Variants in MTA1 observed in about 807,000 individuals in gnomAD.
The protein encoded by MTA1 is metastasis associated 1.
A neutral mutation model predicts 97.0 loss-of-function variants in MTA1; 15 were observed. The ratio of observed to expected loss-of-function variants is 0.15; its 90% CI spans 0.10 to 0.24. The LOEUF (loss-of-function observed/expected upper bound fraction) is 0.24, where lower values mean the gene tolerates loss of function less well. Among genes scored for constraint, MTA1 ranks in the 10% least tolerant of loss-of-function variants. The pLI is 1.00. For missense variants in MTA1, 709 were observed against 1,015.1 expected, an observed-to-expected ratio of 0.70 and a Z score of 4.10; for synonymous variants, 435 against 417.5, an observed-to-expected ratio of 1.04 and a Z score of -0.51.
At chr14:105,445,758 C>A in intron 3 of MTA1, 1 of 628,120 alleles carries the variant, frequency 1.6e-6, no homozygotes, top group Non-Finnish European at 3.0e-6. Context: ...CACTGGCATC[C>A]TCTGCAAGCT....
intron 7 of MTA1, among the ~76,000 whole-genome samples, chr14:105,456,044 C>T (rs587740971): frequency 6.7e-6 from 1 of 150,302 alleles, no homozygotes; most frequent in African/African-American, 2.5e-5. Flanking sequence ...TGCTGGGGCC[C>T]GGCCTGTGGG....
rs2082679543 is a variant in MTA1 at position 105,445,309 on chromosome 14, T to G, written c.97-109T>G. On this transcript the variant is annotated intron_variant, in intron 2 of 20. Transcript: ENST00000331320. ...CCTGGAGTCCCGAGGGGTGGTGTGG[T>G]TACACCTGCAGTCCCTGGACGGCAG... The G allele has an allele frequency of 8.5e-6, 8 of 939,274 alleles. No individual in the cohort carries two copies. The Admixed American group carries it at 1.5e-4, about 17-fold the overall frequency. The allele number at this position is 939,274 out of a possible 1,614,324, so 58.2% of individuals were successfully genotyped here.
rs997294844 is a variant in MTA1 at position 105,422,355 on chromosome 14, C to T, written c.28+2292C>T. On this transcript the variant is annotated intron_variant, in intron 1 of 20. Coordinates refer to ENST00000331320, the MANE Select transcript of MTA1 (RefSeq NM_004689.4). The surrounding 1 kb of genome is among the most constrained non-coding windows in gnomAD (Gnocchi z 4.3). ...GAGGTGGGCGTCTGGATTCTTGAGCCCCCAGACAAGAAAGAGGAAGGTGTG... is the reference window on the plus strand; with the variant it reads ...GAGGTGGGCGTCTGGATTCTTGAGCTCCCAGACAAGAAAGAGGAAGGTGTG... Among the ~76,000 whole-genome samples, 1 of 152,084 alleles carries T rather than the reference C, an allele frequency of 6.6e-6. No homozygotes were observed. The highest frequency in any genetic ancestry group is 1.5e-5 in the Non-Finnish European group (1 of 68,016).
intron 1 of MTA1, among the ~76,000 whole-genome samples, chr14:105,426,508 G>A (rs376990599): frequency 4.6e-5 from 7 of 152,208 alleles, no homozygotes; most frequent in Non-Finnish European, 8.8e-5. Context: ...CAGCGCACGT[G>A]GGGGCTGGCC....
chr14:105,450,203 C>T lies in MTA1; in HGVS notation c.368+19C>T, dbSNP rs202002027. ...ACATCAGGTAGCCCCCAGCAGCTCC[C>T]GCCCTGGGCCCCTCGGGCTGCCCTC... On this transcript the variant is annotated intron_variant, in intron 5 of 20. Coordinates refer to ENST00000331320, the MANE Select transcript of MTA1 (RefSeq NM_004689.4). 1.6e-5 allele frequency: 26 copies of T among 1,611,672 alleles called. No individual in the cohort carries two copies. In the East Asian group the frequency reaches 3.1e-4, roughly 19 times the overall value.
chr14:105,450,137 G>A lies in MTA1; in HGVS notation c.321G>A (p.Glu107=). The part of the protein sequence containing the change: ...EKLKHQLRHR[E]LFLSRQLESL... ...TAAAGCACCAGCTGCGGCATCGGGAGCTGTTCCTCTCCCGGCAGCTGGAGT... is the reference window on the plus strand; with the variant it reads ...TAAAGCACCAGCTGCGGCATCGGGAACTGTTCCTCTCCCGGCAGCTGGAGT... Residue 107 remains glutamate, a synonymous_variant, in exon 5 of 21, where the codon GAG becomes GAA. Coordinates refer to ENST00000331320, the MANE Select transcript of MTA1 (RefSeq NM_004689.4). The A allele has an allele frequency of 1.9e-6, 3 of 1,613,288 alleles. No individual in the cohort carries two copies. The highest frequency in any genetic ancestry group is 2.5e-6 in the Non-Finnish European group (3 of 1,179,916).
At chr14:105,421,011 C>T (rs1359360232) in intron 1 of MTA1, among the ~76,000 whole-genome samples, 1 of 152,226 alleles carries the variant, frequency 6.6e-6, no homozygotes, top group Non-Finnish European at 1.5e-5. Context: ...ATCCCCATGC[C>T]CCTGACCCCG....
At chr14:105,439,987 C>T (rs587636908) in intron 2 of MTA1, among the ~76,000 whole-genome samples, 17 of 152,320 alleles carry the variant, frequency 1.1e-4, no homozygotes, top group East Asian at 1.9e-4. Flanking sequence ...TCCCTGGCTG[C>T]GCTTGTCGAG....
intron 1 of MTA1, 24 bp from the exon 2 acceptor site, chr14:105,438,648 C>A (rs1555424950): frequency 1.2e-6 from 2 of 1,611,908 alleles, no homozygotes; most frequent in Non-Finnish European, 8.5e-7. Context: ...CCACAGGTGG[C>A]ACTCTCTCTG....
chr14:105,426,010 C>T (rs868921313), intron 1 of MTA1, among the ~76,000 whole-genome samples: 23 of 152,272 alleles, frequency 1.5e-4, no homozygotes, highest in Middle Eastern at 3.4e-3. Context: ...ACTGCAGCCC[C>T]GTGATCCGGC....
intron 2 of MTA1, among the ~76,000 whole-genome samples, chr14:105,440,460 C>T (rs77400232): frequency 0.019 from 2,872 of 152,336 alleles, 50 homozygotes; most frequent in Non-Finnish European, 0.029. Context: ...GGCGCCTGGC[C>T]GAGTGCCACT....
chr14:105,445,210 G>A (rs1257284262), intron 2 of MTA1, among the ~76,000 whole-genome samples: 1 of 152,206 alleles, frequency 6.6e-6, no homozygotes, highest in East Asian at 1.9e-4. Flanking sequence ...GGGTGCACAC[G>A]CCCGCCTTCT....
chr14:105,451,212 G>C (rs757204924), intron 6 of MTA1, among the ~76,000 whole-genome samples: 4 of 152,224 alleles, frequency 2.6e-5, no homozygotes, highest in Non-Finnish European at 4.4e-5. Context: ...GAAGGATCCA[G>C]GATGGCCACG....
At chr14:105,469,648 A>G (rs2083749328) in intron 19 of MTA1, 150 bp downstream of exon 19, 3 of 1,205,712 alleles carry the variant, frequency 2.5e-6, no homozygotes, top group African/African-American at 1.5e-5. Flanking sequence ...TGTGGGGGCC[A>G]TGGCCCCTGT....
chr14:105,446,716 C>T (rs1290574636), intron 3 of MTA1, among the ~76,000 whole-genome samples: 1 of 152,242 alleles, frequency 6.6e-6, no homozygotes, highest in Non-Finnish European at 1.5e-5. Context: ...CAGCTGGGAC[C>T]TTTCCTCAGC....
intron 1 of MTA1, among the ~76,000 whole-genome samples, chr14:105,437,402 G>A (rs1485857877): frequency 3.3e-5 from 5 of 151,926 alleles, no homozygotes; most frequent in Non-Finnish European, 7.4e-5. Flanking sequence ...TGTCCTCATG[G>A]GCGTGTGACT....
At chr14:105,437,990 C>T (rs782283199) in intron 1 of MTA1, among the ~76,000 whole-genome samples, 5 of 152,188 alleles carry the variant, frequency 3.3e-5, no homozygotes, top group Non-Finnish European at 7.3e-5. Flanking sequence ...CTGAGGGAAG[C>T]GCTGTACTCA....
At position 105,434,735 on chromosome 14, in the gene MTA1, A is replaced by G. The variant is rs1274729411; in HGVS notation, c.29-3937A>G. Among the ~76,000 whole-genome samples the G allele has an allele frequency of 5.3e-5, 8 of 152,236 alleles. No individual in the cohort carries two copies. In the East Asian group the frequency reaches 1.2e-3, roughly 22 times the overall value. On this transcript the variant is annotated intron_variant, in intron 1 of 20. Transcript: ENST00000331320. ...AGGCTGGTCTTGAACTCCCAACCTC[A>G]GGTGATCCGCCCGCCTCAGCCTCCC...
chr14:105,463,824 G>A lies in MTA1; in HGVS notation c.1077-208G>A. On this transcript the variant is annotated intron_variant, in intron 12 of 20. Coordinates refer to ENST00000331320, the MANE Select transcript of MTA1 (RefSeq NM_004689.4). The surrounding 1 kb of genome is among the most constrained non-coding windows in gnomAD (Gnocchi z 5.9). Reference sequence around the variant, plus strand: ...GTCCCTGAGCTGGGCTCCATGCTAGGGGGAGCACGGGGGCCTGGAGAACGG... The same window carrying A: ...GTCCCTGAGCTGGGCTCCATGCTAGAGGGAGCACGGGGGCCTGGAGAACGG... 2 of 643,412 alleles carry A rather than the reference G, an allele frequency of 3.1e-6. No homozygotes were observed. Among genetic ancestry groups the A allele is most frequent in the Non-Finnish European group, 5.5e-6 (2 of 362,686 alleles). 39.9% of individuals were successfully genotyped at this position (643,412 alleles called of 1,614,324 possible). A position where few individuals can be genotyped will look rare whatever the true frequency, so the allele number is the denominator to read the frequency against.
Sources: gnomAD v4.1 joint callset for allele counts (sites outside exome capture counted in the v4.1 genomes callset) on GRCh38, gnomAD v4.1.1 for gene constraint, Gnocchi (gnomAD v3.1) non-coding constraint, MANE v1.5 for transcripts, NCBI Gene and HGNC (gene_info 2026-07-23, HGNC 2026-07-21) for gene names.